GALNT17: variants seen among roughly 807,000 people sequenced by gnomAD.
GALNT17 encodes polypeptide N-acetylgalactosaminyltransferase 17.
Under a neutral mutation model 63.7 loss-of-function variants are expected in GALNT17, and 29 were observed. The observed-to-expected ratio is 0.46, with a 90% CI of 0.34 to 0.62. The LOEUF (loss-of-function observed/expected upper bound fraction) is 0.62. Among genes scored for constraint, GALNT17 ranks in the 20% least tolerant of loss-of-function variants. The pLI is 0.01. For synonymous variants in GALNT17, 305 were observed against 318.3 expected, an observed-to-expected ratio of 0.96 and a Z score of 0.45; for missense variants, 603 against 799.6, an observed-to-expected ratio of 0.75 and a Z score of 2.97.
chr7:71,416,902 A>G (rs1046947479), intron 4 of GALNT17, among the ~76,000 whole-genome samples: 26 of 152,210 alleles, frequency 1.7e-4, no homozygotes, highest in Admixed American at 1.6e-3. Context: ...AAAAGAACAG[A>G]ATGTGAGAAA....
At chr7:71,138,375 A>T (rs1372105414) in intron 1 of GALNT17, among the ~76,000 whole-genome samples, 1 of 152,082 alleles carries the variant, frequency 6.6e-6, no homozygotes, top group Admixed American at 6.6e-5. Flanking sequence ...AATTGAGTAG[A>T]AGTGGATTGT....
chr7:71,168,709 G>A (rs1788491743), intron 1 of GALNT17, among the ~76,000 whole-genome samples: 1 of 146,292 alleles, frequency 6.8e-6, no homozygotes, highest in Admixed American at 6.8e-5. Context: ...ACGTGTATGT[G>A]TGTGTGTGTG....
chr7:71,208,111 A>G (rs899207282), intron 1 of GALNT17, among the ~76,000 whole-genome samples: 2 of 151,634 alleles, frequency 1.3e-5, no homozygotes, highest in African/African-American at 4.8e-5. Context: ...TGATTTTTGT[A>G]TTTTTTGAAG....
intron 5 of GALNT17, among the ~76,000 whole-genome samples, chr7:71,429,207 G>C (rs1446143094): frequency 6.6e-6 from 1 of 152,106 alleles, no homozygotes; most frequent in Non-Finnish European, 1.5e-5. Flanking sequence ...ACAGGGAGAA[G>C]GGGAAAGTCT....
intron 5 of GALNT17, among the ~76,000 whole-genome samples, chr7:71,558,175 G>A (rs941082972): frequency 3.9e-5 from 6 of 152,178 alleles, no homozygotes; most frequent in African/African-American, 1.4e-4. Flanking sequence ...ACAGAGGTTG[G>A]TGAAATTTTT....
chr7:71,162,135 T>TCCTC (rs1788358822), intron 1 of GALNT17, among the ~76,000 whole-genome samples: 1 of 122,240 alleles, frequency 8.2e-6, no homozygotes, highest in African/African-American at 3.2e-5. Flanking sequence ...CTTCCTTCCT[T>TCCTC]CCTTCCTTCC....
At chr7:71,535,051 A>G (rs1788782675) in intron 5 of GALNT17, among the ~76,000 whole-genome samples, 1 of 152,178 alleles carries the variant, frequency 6.6e-6, no homozygotes. Context: ...AGTAGGAGCC[A>G]ACATGCCTAG....
chr7:71,517,220 G>A (rs762286468), intron 5 of GALNT17, among the ~76,000 whole-genome samples: 13 of 152,186 alleles, frequency 8.5e-5, no homozygotes, highest in Admixed American at 2.0e-4. Context: ...TCTCTTCTTG[G>A]TTTGCAGCAG....
chr7:71,305,601 G>A (rs1791276062), intron 1 of GALNT17, among the ~76,000 whole-genome samples: 1 of 152,162 alleles, frequency 6.6e-6, no homozygotes, highest in Admixed American at 6.5e-5. Context: ...CAGACTGTGA[G>A]TTTGGTGGGT....
At chr7:71,200,449 A>G (rs1306089140) in intron 1 of GALNT17, among the ~76,000 whole-genome samples, 1 of 152,278 alleles carries the variant, frequency 6.6e-6, no homozygotes, top group Admixed American at 6.5e-5. Flanking sequence ...AGGTGACTGC[A>G]TGTCCACTGG....
At chr7:71,287,235 A>G (rs1790891596) in intron 1 of GALNT17, among the ~76,000 whole-genome samples, 1 of 151,898 alleles carries the variant, frequency 6.6e-6, no homozygotes, top group South Asian at 2.1e-4. Flanking sequence ...GACTACAGGC[A>G]TTGTGCCACC....
At chr7:71,592,539 A>C (rs149989821) in intron 6 of GALNT17, among the ~76,000 whole-genome samples, 1,009 of 69,088 alleles carry the variant, frequency 0.015, 14 homozygotes, top group South Asian at 0.043. Flanking sequence ...AATAAAATAA[A>C]ATAAAATAGC....
chr7:71,184,867 G>C (rs1788804744), intron 1 of GALNT17, among the ~76,000 whole-genome samples: 1 of 152,002 alleles, frequency 6.6e-6, no homozygotes, highest in Admixed American at 6.6e-5. Context: ...TTCTGGATGT[G>C]GAGGCAGCCT....
At chr7:71,489,033 A>G (rs1190579398) in intron 5 of GALNT17, among the ~76,000 whole-genome samples, 5 of 149,870 alleles carry the variant, frequency 3.3e-5, no homozygotes, top group African/African-American at 1.2e-4. Flanking sequence ...ACCTGGGACT[A>G]CAGGCGAGCA....
intron 5 of GALNT17, among the ~76,000 whole-genome samples, chr7:71,443,151 T>G (rs1296000392): frequency 6.6e-6 from 1 of 152,156 alleles, no homozygotes; most frequent in African/African-American, 2.4e-5. Context: ...CTCTTCATTT[T>G]CGAGGTCAGC....
chr7:71,195,964 C>T (rs1350597131), intron 1 of GALNT17, among the ~76,000 whole-genome samples: 1 of 152,044 alleles, frequency 6.6e-6, no homozygotes, highest in Non-Finnish European at 1.5e-5. Flanking sequence ...TAATGAGCTT[C>T]TCTAATGGGA....
Position 71,349,767 on chromosome 7 carries a change from G to T in GALNT17, c.422+14034G>T, listed in dbSNP as rs141802371. On this transcript the variant is annotated intron_variant, in intron 2 of 10. Coordinates refer to ENST00000333538, the MANE Select transcript of GALNT17 (RefSeq NM_022479.3). ...TGTCTCCATGGGCAGCCCTTTGCTG[G>T]ACACTTGACCCTTGACAATAATATT... 3.1e-3 allele frequency among the ~76,000 whole-genome samples: 474 copies of T among 152,286 alleles called. 5 individuals are homozygous for T. The highest frequency in any genetic ancestry group is 0.011 in the African/African-American group (461 of 41,570).
chr7:71,486,512 G>A (rs1157333858), intron 5 of GALNT17, among the ~76,000 whole-genome samples: 1 of 151,818 alleles, frequency 6.6e-6, no homozygotes, highest in Non-Finnish European at 1.5e-5. Flanking sequence ...ACAGCAGACA[G>A]CTCTTGGTGC....
At position 71,615,774 on chromosome 7, in the gene GALNT17, G is replaced by A. The variant is rs540256239; in HGVS notation, c.1080+44372G>A. ...ATTACAGGCGTGAGCCACCGCGCCC[G>A]GCCTCAAAGTGCTTTCTTACTTTTT... is the stretch of plus-strand genomic sequence containing the variant. On this transcript the variant is annotated intron_variant, in intron 6 of 10. Coordinates refer to ENST00000333538, the MANE Select transcript of GALNT17 (RefSeq NM_022479.3). 3.6e-3 allele frequency among the ~76,000 whole-genome samples: 546 copies of A among 152,120 alleles called. 3 individuals are homozygous for A. Among genetic ancestry groups the A allele is most frequent in the African/African-American group, 0.012 (504 of 41,524 alleles).
Sources: gnomAD v4.1 joint callset for allele counts (sites outside exome capture counted in the v4.1 genomes callset) on GRCh38, gnomAD v4.1.1 for gene constraint, MANE v1.5 for transcripts, NCBI Gene and HGNC (gene_info 2026-07-23, HGNC 2026-07-21) for gene names.